The following PAX3 variants were observed in gnomAD, a reference collection of about 807,000 sequenced individuals.
PAX3 encodes the protein paired box 3, also known as paired box protein Pax-3.
Under a neutral mutation model 51.6 loss-of-function variants are expected in PAX3, and 14 were observed. The observed-to-expected ratio is 0.27, with a 90% CI of 0.18 to 0.42. The LOEUF is 0.42. Among genes scored for constraint, PAX3 ranks in the 10% least tolerant of loss-of-function variants. The pLI is 1.00. For missense variants in PAX3, 540 were observed against 642.8 expected, an observed-to-expected ratio of 0.84 and a Z score of 1.73; for synonymous variants, 280 against 253.4, an observed-to-expected ratio of 1.11 and a Z score of -1.00.
chr2:222,228,022 T>C (rs1315316405), intron 5 of PAX3, among the ~76,000 whole-genome samples: 1 of 152,198 alleles, frequency 6.6e-6, no homozygotes, highest in Admixed American at 6.5e-5. Context: ...CAAATTAAAC[T>C]AACTCACACT....
intron 2 of PAX3, among the ~76,000 whole-genome samples, chr2:222,296,276 G>A (rs1695291268): frequency 6.6e-6 from 1 of 152,258 alleles, no homozygotes. Flanking sequence ...GGAAGGAAGA[G>A]GAGGGTGTTT....
intron 7 of PAX3, among the ~76,000 whole-genome samples, chr2:222,207,154 T>C (rs551740558): frequency 6.6e-6 from 1 of 152,152 alleles, no homozygotes; most frequent in Admixed American, 6.6e-5. Context: ...TATCCAAATG[T>C]TTTTTGCCAA....
intron 4 of PAX3, among the ~76,000 whole-genome samples, chr2:222,274,335 T>C (rs987604393): frequency 2.0e-5 from 3 of 151,918 alleles, no homozygotes; most frequent in African/African-American, 7.2e-5. Context: ...GAGTATAAAT[T>C]TATATTTATA....
At chr2:222,220,376 A>G (rs752962005) in intron 6 of PAX3, 22 bp from the exon 7 acceptor site, 1 of 1,611,516 alleles carries the variant, frequency 6.2e-7, no homozygotes, top group South Asian at 1.1e-5. Context: ...AAGATTGTCA[A>G]CCATCATGTT....
intron 4 of PAX3, among the ~76,000 whole-genome samples, chr2:222,274,951 A>G (rs1694367420): frequency 6.6e-6 from 1 of 152,232 alleles, no homozygotes; most frequent in Admixed American, 6.5e-5. Flanking sequence ...GATATGGAAA[A>G]GGGAGTCAAT....
intron 4 of PAX3, among the ~76,000 whole-genome samples, chr2:222,238,175 A>G (rs367547768): frequency 6.6e-6 from 1 of 152,230 alleles, no homozygotes; most frequent in Admixed American, 6.5e-5. Context: ...TCCTTCAGAG[A>G]CAAATCAAAC....
At chr2:222,264,551 T>C (rs1693976019) in intron 4 of PAX3, 1 of 152,168 alleles carries the variant, frequency 6.6e-6, no homozygotes, top group African/African-American at 2.4e-5. Flanking sequence ...TTACGCAAGT[T>C]TCACCCCCAC....
chr2:222,261,397 G>GA (rs920290345), intron 4 of PAX3, among the ~76,000 whole-genome samples: 2 of 151,536 alleles, frequency 1.3e-5, no homozygotes, highest in African/African-American at 4.8e-5. Flanking sequence ...AAACGGCTAG[G>GA]AAAAAAAATC....
At chr2:222,219,526 A>G (rs1692100085) in intron 7 of PAX3, among the ~76,000 whole-genome samples, 1 of 152,252 alleles carries the variant, frequency 6.6e-6, no homozygotes. Context: ...CTCATAGTCC[A>G]ATGCAAATTA....
intron 4 of PAX3, among the ~76,000 whole-genome samples, chr2:222,236,484 A>G (rs903583937): frequency 2.0e-5 from 3 of 152,186 alleles, no homozygotes; most frequent in Non-Finnish European, 4.4e-5. Flanking sequence ...TCTATTTTAC[A>G]TACTCAGTTT....
chr2:222,224,554 A>G (rs747367395), intron 5 of PAX3, among the ~76,000 whole-genome samples: 4 of 152,346 alleles, frequency 2.6e-5, no homozygotes, highest in Middle Eastern at 3.4e-3. Context: ...AACTCAAAAC[A>G]GACAAATTTT....
intron 4 of PAX3, among the ~76,000 whole-genome samples, chr2:222,271,252 A>G (rs762384319): frequency 3.9e-5 from 6 of 152,010 alleles, no homozygotes; most frequent in Non-Finnish European, 8.8e-5. Flanking sequence ...GTGTAGAACT[A>G]GACCTGGGCA....
chr2:222,206,480 C>A (rs1469701530), intron 7 of PAX3, among the ~76,000 whole-genome samples: 1 of 152,116 alleles, frequency 6.6e-6, no homozygotes, highest in South Asian at 2.1e-4. Flanking sequence ...CTTTGAACAG[C>A]CTTTAAAAAC....
At chr2:222,278,957 CTGTT>C (rs781482456) in intron 4 of PAX3, among the ~76,000 whole-genome samples, 11 of 151,992 alleles carry the variant, frequency 7.2e-5, no homozygotes, top group Non-Finnish European at 1.3e-4. Flanking sequence ...TGTTGCTTGT[CTGTT>C]TGTTTTTGAG....
chr2:222,295,611 C>T lies in PAX3; in HGVS notation c.368G>A (p.Arg123Lys). The change falls in exon 3 of 9, where the codon AGA becomes AAA. Residue 123 changes from arginine (R) to lysine (K), a missense_variant. By Grantham distance (26) the Arg-to-Lys change is conservative (BLOSUM62 2). Around this residue, in one of 3 missense-constraint regions of PAX3, gnomAD observed 427 missense variants for 483.6 expected, o/e 0.88. Coordinates refer to ENST00000392070, the MANE Select transcript of PAX3 (RefSeq NM_181458.4). ...DVEKKIEEYKRENPGMFSWEI... is the reference protein window; with the variant it reads ...DVEKKIEEYKKENPGMFSWEI... ...CCAGCTGAACATGCCCGGGTTCTCT[C>T]TTTTGTATTCCTCAATTTTCTTCTC... 1 of 1,614,226 alleles carries T rather than the reference C, an allele frequency of 6.2e-7. No homozygotes were observed. The highest frequency in any genetic ancestry group is 8.5e-7 in the Non-Finnish European group (1 of 1,180,044).
intron 3 of PAX3, among the ~76,000 whole-genome samples, chr2:222,294,754 CCG>C (rs1695195775): frequency 2.1e-5 from 2 of 96,384 alleles, no homozygotes; most frequent in Admixed American, 1.2e-4. Flanking sequence ...GCCGACTTGT[CCG>C]CGCCCCCCCC....
intron 4 of PAX3, among the ~76,000 whole-genome samples, chr2:222,279,334 G>GTGTGTGGTA (rs1312635199): frequency 9.3e-6 from 1 of 106,964 alleles, no homozygotes; most frequent in Non-Finnish European, 2.2e-5. Context: ...TGTGTGTGGT[G>GTGTGTGGTA]TAGTAGTAAT....
intron 4 of PAX3, among the ~76,000 whole-genome samples, chr2:222,243,469 A>G (rs1693096083): frequency 6.6e-6 from 1 of 152,244 alleles, no homozygotes; most frequent in Non-Finnish European, 1.5e-5. Flanking sequence ...TAAACTCAAA[A>G]AGTAAAACTC....
At chr2:222,290,554 A>G (rs1008217960) in intron 4 of PAX3, among the ~76,000 whole-genome samples, 13 of 152,102 alleles carry the variant, frequency 8.5e-5, no homozygotes, top group Non-Finnish European at 1.3e-4. Context: ...CAAAACATCA[A>G]TTTGGCAATC....
Sources: gnomAD v4.1 joint callset for allele counts (sites outside exome capture counted in the v4.1 genomes callset) on GRCh38, gnomAD v4.1.1 for gene constraint, gnomAD v4.1.1 regional missense constraint, MANE v1.5 for transcripts, NCBI Gene and HGNC (gene_info 2026-07-23, HGNC 2026-07-21) for gene names.